Variants in SLC35F3 observed in about 807,000 individuals in gnomAD.
SLC35F3 encodes putative thiamine transporter SLC35F3.
SLC35F3 carries 25 observed loss-of-function variants against 49.9 expected under a neutral mutation model. The ratio of observed to expected loss-of-function variants is 0.50; its 90% confidence interval spans 0.37 to 0.70. SLC35F3 has a LOEUF of 0.70. SLC35F3 is among the 30% of genes least tolerant of loss of function. SLC35F3 has a pLI of 0.00. For missense variants in SLC35F3, 525 were observed against 639.8 expected, an observed-to-expected ratio of 0.82 and a Z score of 1.94; for synonymous variants, 275 against 265.4, an observed-to-expected ratio of 1.04 and a Z score of -0.35.
intron 4 of SLC35F3, among the ~76,000 whole-genome samples, chr1:234,310,400 G>A (rs1409007928): frequency 2.0e-5 from 3 of 152,206 alleles, no homozygotes; most frequent in Non-Finnish European, 4.4e-5. Flanking sequence ...CCAAACAGCA[G>A]TGGGGACGTG....
intron 2 of SLC35F3, among the ~76,000 whole-genome samples, chr1:234,066,715 C>T (rs1247901342): frequency 1.3e-5 from 2 of 151,592 alleles, no homozygotes; most frequent in Non-Finnish European, 2.9e-5. Context: ...CTCTGTCTCT[C>T]TCTCTCTTTC....
chr1:233,954,019 T>G (rs533353283), intron 2 of SLC35F3, among the ~76,000 whole-genome samples: 2 of 151,954 alleles, frequency 1.3e-5, no homozygotes, highest in South Asian at 2.1e-4. Context: ...TTTTTTTTTT[T>G]TTTTTGAGAC....
At chr1:234,258,449 C>T (rs1048527430) in intron 3 of SLC35F3, among the ~76,000 whole-genome samples, 2 of 152,222 alleles carry the variant, frequency 1.3e-5, no homozygotes, top group Admixed American at 1.3e-4. Context: ...ACTATCCCTA[C>T]ATGACTCCTG....
intron 2 of SLC35F3, among the ~76,000 whole-genome samples, chr1:233,984,284 A>G (rs1352903346): frequency 6.6e-6 from 1 of 152,230 alleles, no homozygotes; most frequent in Non-Finnish European, 1.5e-5. Context: ...AAAGTGTTAT[A>G]GAACTGAACT....
At chr1:234,103,109 C>T (rs1665236554) in intron 2 of SLC35F3, among the ~76,000 whole-genome samples, 1 of 152,188 alleles carries the variant, frequency 6.6e-6, no homozygotes, top group Admixed American at 6.5e-5. Flanking sequence ...GCAAAAAAGA[C>T]AATTGCAACA....
intron 2 of SLC35F3, among the ~76,000 whole-genome samples, chr1:234,038,308 G>T (rs1292673687): frequency 1.3e-5 from 2 of 150,196 alleles, no homozygotes; most frequent in Non-Finnish European, 3.0e-5. Context: ...CTTTTTTATG[G>T]CTGCATAGTA....
Position 233,905,671 on chromosome 1 carries a change from G to T in SLC35F3, c.196G>T (p.Gly66Trp). 2.5e-6 allele frequency: 4 copies of T among 1,614,200 alleles called. No individual in the cohort carries two copies. Among genetic ancestry groups the T allele is most frequent in the Non-Finnish European group, 3.4e-6 (4 of 1,180,044 alleles). Residue 66 changes from glycine to tryptophan, a missense_variant, in exon 2 of 8, where the codon GGG becomes TGG. Gly to Trp is a radical substitution (Grantham distance 184). This residue lies in a region of SLC35F3 where 228 missense variants were observed against 218.9 expected (regional missense o/e 1.04). Coordinates refer to ENST00000366618, the MANE Select transcript of SLC35F3 (RefSeq NM_173508.4). Reference sequence around the variant, plus strand: ...GCGCTCCGTGGAGGATCTCACCAGCGGGCCGGTGGGGCTCACGTCCATCGA... The same window carrying T: ...GCGCTCCGTGGAGGATCTCACCAGCTGGCCGGTGGGGCTCACGTCCATCGA... ...WSRSVEDLTS[G>W]PVGLTSIEER... is the part of the protein sequence containing the mutation.
intron 2 of SLC35F3, among the ~76,000 whole-genome samples, chr1:234,052,695 G>A (rs973423779): frequency 3.3e-5 from 5 of 151,962 alleles, no homozygotes; most frequent in Non-Finnish European, 7.4e-5. Context: ...TAATGTGTTT[G>A]CTCTTGCTTC....
At chr1:233,932,668 A>G (rs1306482054) in intron 2 of SLC35F3, among the ~76,000 whole-genome samples, 3 of 152,214 alleles carry the variant, frequency 2.0e-5, no homozygotes, top group Non-Finnish European at 2.9e-5. Flanking sequence ...GTATTTAGGG[A>G]AAGGGAGCCA....
intron 7 of SLC35F3, among the ~76,000 whole-genome samples, chr1:234,321,482 C>A (rs780132322): frequency 6.6e-6 from 1 of 152,214 alleles, no homozygotes; most frequent in Admixed American, 6.5e-5. Flanking sequence ...GAAAAATGGT[C>A]CAGATGCTGC....
chr1:233,987,207 T>G (rs1572009805), intron 2 of SLC35F3, among the ~76,000 whole-genome samples: 1 of 152,170 alleles, frequency 6.6e-6, no homozygotes, highest in South Asian at 2.1e-4. Flanking sequence ...CAAGAATCAC[T>G]TGAGCTGGGA....
At chr1:234,217,237 A>C (rs763662202) in intron 2 of SLC35F3, among the ~76,000 whole-genome samples, 5 of 152,216 alleles carry the variant, frequency 3.3e-5, no homozygotes, top group Non-Finnish European at 4.4e-5. Context: ...TAAAACCAAA[A>C]TAGAAAAGGC....
intron 2 of SLC35F3, among the ~76,000 whole-genome samples, chr1:233,950,031 A>G (rs915776719): frequency 2.2e-4 from 34 of 152,126 alleles, no homozygotes; most frequent in Non-Finnish European, 8.8e-5. Flanking sequence ...ACGAGGTGAG[A>G]AAACCTGTGG....
intron 3 of SLC35F3, among the ~76,000 whole-genome samples, chr1:234,248,136 C>T (rs796188973): frequency 6.6e-6 from 1 of 152,082 alleles, no homozygotes; most frequent in Admixed American, 6.5e-5. Context: ...GGTCGGTTGG[C>T]TGGTCCATTG....
At chr1:233,938,503 T>A (rs1662368702) in intron 2 of SLC35F3, among the ~76,000 whole-genome samples, 1 of 152,182 alleles carries the variant, frequency 6.6e-6, no homozygotes, top group African/African-American at 2.4e-5. Flanking sequence ...ATTTTGGGAT[T>A]CTAATATCAA....
At chr1:234,249,521 A>G (rs920172091) in intron 3 of SLC35F3, among the ~76,000 whole-genome samples, 11 of 152,112 alleles carry the variant, frequency 7.2e-5, no homozygotes, top group African/African-American at 2.7e-4. Context: ...CCTTCATCCA[A>G]GTACCAAGTA....
chr1:234,256,510 C>CAG (rs1400131156), intron 3 of SLC35F3, among the ~76,000 whole-genome samples: 1 of 152,218 alleles, frequency 6.6e-6, no homozygotes, highest in Non-Finnish European at 1.5e-5. Context: ...AAGACTTCAT[C>CAG]AGTGATTTCA....
intron 3 of SLC35F3, among the ~76,000 whole-genome samples, chr1:234,269,029 T>C (rs548471): frequency 0.096 from 14,606 of 152,174 alleles, 2,017 homozygotes; most frequent in East Asian, 0.64. Context: ...TAGTAGTCTA[T>C]TGGGGAAAAG....
At chr1:233,915,595 T>C (rs886189849) in intron 2 of SLC35F3, among the ~76,000 whole-genome samples, 3 of 152,142 alleles carry the variant, frequency 2.0e-5, no homozygotes, top group Non-Finnish European at 4.4e-5. Flanking sequence ...AGGAATAGAA[T>C]GATGATGGCA....
Sources: allele counts gnomAD v4.1 joint callset (sites outside exome capture counted in the v4.1 genomes callset), GRCh38; gene constraint gnomAD v4.1.1; regional missense constraint gnomAD v4.1.1; transcripts MANE v1.5; gene names NCBI Gene and HGNC (gene_info 2026-07-23, HGNC 2026-07-21).